ZNF354B: variants seen among roughly 807,000 people sequenced by gnomAD.
The protein encoded by ZNF354B is zinc finger protein 354B.
ZNF354B carries 10 observed loss-of-function variants against 12.9 expected under a neutral mutation model. The ratio of observed to expected loss-of-function variants is 0.77; its 90% CI spans 0.48 to 1.31. ZNF354B has a LOEUF of 1.31. Ranked by LOEUF, ZNF354B falls within the 40% of genes most tolerant of loss-of-function variation. The probability of loss-of-function intolerance (pLI) is 0.00; values close to 1 mark genes in which losing one functional copy is unlikely to be tolerated. For synonymous variants in ZNF354B, 260 were observed against 243.7 expected, an observed-to-expected ratio of 1.07 and a Z score of -0.62; for missense variants, 614 against 711.7, an observed-to-expected ratio of 0.86 and a Z score of 1.56.
intron 4 of ZNF354B, among the ~76,000 whole-genome samples, chr5:178,871,615 C>G (rs933458053): frequency 6.6e-6 from 1 of 152,146 alleles, no homozygotes; most frequent in Non-Finnish European, 1.5e-5. Flanking sequence ...AGTCCCTGGC[C>G]AGGGTAGGCG....
At position 178,882,711 on chromosome 5, in the gene ZNF354B, T is replaced by G; in HGVS notation, c.259T>G (p.Cys87Gly). 2 of 1,555,372 alleles carry G rather than the reference T, an allele frequency of 1.3e-6. No individual in the cohort carries two copies. The highest frequency in any genetic ancestry group is 1.2e-5 in the South Asian group (1 of 80,336). ...GCTTTCTTTTTTTCTTTTTTCAGGA[T>G]GTAAGAGCACACCTAAAATGACAAA... ...KDSSGVSSLGCKSTPKMTKST... is the reference protein window; with the variant it reads ...KDSSGVSSLGGKSTPKMTKST... The change falls in exon 5 of 5, where the codon TGT becomes GGT. Residue 87 changes from cysteine to glycine, a missense_variant and splice_region_variant. By Grantham distance (159) the Cys-to-Gly change is radical. Coordinates refer to ENST00000322434, the MANE Select transcript of ZNF354B (RefSeq NM_058230.3).
chr5:178,881,788 C>T (rs1332155675), intron 4 of ZNF354B, among the ~76,000 whole-genome samples: 2 of 152,066 alleles, frequency 1.3e-5, no homozygotes, highest in Non-Finnish European at 2.9e-5. Flanking sequence ...GGATTACAGG[C>T]GTGCGCCACA....
rs769624802 is a variant in ZNF354B at position 178,884,014 on chromosome 5, C to T, written c.1562C>T (p.Pro521Leu). 1 of 1,614,072 alleles carries T rather than the reference C, an allele frequency of 6.2e-7. No homozygotes were observed. Among genetic ancestry groups the T allele is most frequent in the Admixed American group, 1.7e-5 (1 of 60,010 alleles). The change falls in exon 5 of 5, where the codon CCA becomes CTA. Residue 521 changes from proline (P) to leucine (L), a missense_variant. Coordinates refer to ENST00000322434, the MANE Select transcript of ZNF354B (RefSeq NM_058230.3). ...NHQRIHTGEKPYRCLECGMSF... is the reference protein window; with the variant it reads ...NHQRIHTGEKLYRCLECGMSF... Reference sequence around the variant, plus strand: ...CAGAGAATTCATACTGGAGAGAAACCATATCGATGTTTAGAATGTGGGATG... The same window carrying T: ...CAGAGAATTCATACTGGAGAGAAACTATATCGATGTTTAGAATGTGGGATG...
chr5:178,875,996 C>T (rs1400049828), intron 4 of ZNF354B, among the ~76,000 whole-genome samples: 3 of 152,154 alleles, frequency 2.0e-5, no homozygotes, highest in African/African-American at 7.2e-5. Flanking sequence ...TATGGGAGCT[C>T]ACAAGGTAGA....
chr5:178,871,939 G>GA (rs1383923162), intron 4 of ZNF354B, among the ~76,000 whole-genome samples: 1 of 152,150 alleles, frequency 6.6e-6, no homozygotes, highest in African/African-American at 2.4e-5. Context: ...GATAATAGTA[G>GA]ATTTATATGC....
intron 4 of ZNF354B, among the ~76,000 whole-genome samples, chr5:178,873,409 G>A (rs116324299): frequency 6.6e-6 from 1 of 152,296 alleles, no homozygotes; most frequent in African/African-American, 2.4e-5. Flanking sequence ...TCTTCTAGAA[G>A]TGCTGTAGTT....
intron 2 of ZNF354B, among the ~76,000 whole-genome samples, chr5:178,863,340 A>G (rs1189282783): frequency 6.6e-6 from 1 of 152,184 alleles, no homozygotes; most frequent in Non-Finnish European, 1.5e-5. Flanking sequence ...GCATTGCATA[A>G]TGACATTTTG....
At chr5:178,864,216 C>T (rs1757410540) in intron 2 of ZNF354B, among the ~76,000 whole-genome samples, 1 of 152,194 alleles carries the variant, frequency 6.6e-6, no homozygotes, top group Non-Finnish European at 1.5e-5. Flanking sequence ...GAGCCCTATA[C>T]AGGTGTACCA....
chr5:178,883,427 C>T lies in ZNF354B; in HGVS notation c.975C>T (p.Pro325=). 2 of 1,614,030 alleles carry T rather than the reference C, an allele frequency of 1.2e-6. No individual in the cohort carries two copies. The highest frequency in any genetic ancestry group is 1.7e-5 in the Admixed American group (1 of 60,002). ...IHQKIHAQEN[P]HKYNPGRKAS... ...AAAAAATCCATGCTCAAGAAAATCCCCATAAATACAATCCAGGCAGGAAGG... is the reference window on the plus strand; with the variant it reads ...AAAAAATCCATGCTCAAGAAAATCCTCATAAATACAATCCAGGCAGGAAGG... Residue 325 remains proline, a synonymous_variant, in exon 5 of 5, where the codon CCC becomes CCT. Transcript: ENST00000322434.
intron 2 of ZNF354B, among the ~76,000 whole-genome samples, chr5:178,864,942 G>A (rs1463718655): frequency 6.6e-6 from 1 of 151,892 alleles, no homozygotes; most frequent in Admixed American, 6.6e-5. Context: ...TTTTTGAATG[G>A]GGACAAACTC....
At position 178,861,351 on chromosome 5, in the gene ZNF354B, G is replaced by C. The variant is rs1007055468; in HGVS notation, c.33+271G>C. 2.7e-5 allele frequency among the ~76,000 whole-genome samples: 4 copies of C among 150,822 alleles called. No individual in the cohort carries two copies. The Admixed American group carries it at 2.7e-4, about 10-fold the overall frequency. ...ATACCACAAGTCTGTCTGTCACTAAGAGCAAACGTACACACGTGGGAAAAA... is the reference window on the plus strand; with the variant it reads ...ATACCACAAGTCTGTCTGTCACTAACAGCAAACGTACACACGTGGGAAAAA... On this transcript the variant is annotated intron_variant, in intron 2 of 4. Coordinates refer to ENST00000322434, the MANE Select transcript of ZNF354B (RefSeq NM_058230.3).
intron 4 of ZNF354B, 33 bp downstream of exon 4, chr5:178,867,104 C>T (rs770133170): frequency 5.1e-6 from 8 of 1,577,676 alleles, no homozygotes; most frequent in Non-Finnish European, 7.0e-6. Context: ...TCGGGAATGG[C>T]CGCAGACAAT....
intron 4 of ZNF354B, among the ~76,000 whole-genome samples, chr5:178,869,198 G>A (rs1008766034): frequency 6.6e-5 from 10 of 152,194 alleles, no homozygotes; most frequent in Non-Finnish European, 1.5e-4. Flanking sequence ...ACAGTGCAGG[G>A]CTTGTCAAGT....
At chr5:178,881,136 G>T (rs1757710921) in intron 4 of ZNF354B, among the ~76,000 whole-genome samples, 1 of 152,114 alleles carries the variant, frequency 6.6e-6, no homozygotes, top group Non-Finnish European at 1.5e-5. Context: ...GAGCCAGCAC[G>T]CTTGGCCAAC....
rs1757757071 is a variant in ZNF354B, at chr5:178,883,760, A to G, written c.1308A>G (p.Lys436=). The stretch of plus-strand genomic sequence containing the variant: ...ACCGAATAATTCATACTGGAGAGAA[A>G]TTGTATAATTGTAATGAATGTGGTA... ...NRHRIIHTGE[K]LYNCNECGKA... is the part of the protein sequence containing the mutation. Residue 436 remains lysine, a synonymous_variant, in exon 5 of 5, where the codon AAA becomes AAG. Transcript: ENST00000322434. 2 of 1,614,100 alleles carry G rather than the reference A, an allele frequency of 1.2e-6. No individual in the cohort carries two copies. The highest frequency in any genetic ancestry group is 8.5e-7 in the Non-Finnish European group (1 of 1,179,946).
At chr5:178,870,318 C>T (rs1487225740) in intron 4 of ZNF354B, among the ~76,000 whole-genome samples, 1 of 152,166 alleles carries the variant, frequency 6.6e-6, no homozygotes, top group East Asian at 1.9e-4. Context: ...CTCTGTTGCC[C>T]AGGCTGGAGT....
At chr5:178,872,820 T>C (rs536140289) in intron 4 of ZNF354B, among the ~76,000 whole-genome samples, 1 of 152,322 alleles carries the variant, frequency 6.6e-6, no homozygotes, top group Admixed American at 6.5e-5. Flanking sequence ...AGAGTCTTGC[T>C]CTGTCACCCA....
chr5:178,884,522 T>C lies in ZNF354B; in HGVS notation c.*231T>C, dbSNP rs1757772750. On this transcript the variant is annotated 3_prime_UTR_variant, in exon 5 of 5. Transcript: ENST00000322434. Reference sequence around the variant, plus strand: ...TTGGCCATTTGTAAGATAAAAGGTATGTTTATAAAATCTCTTTATATAATA... The same window carrying C: ...TTGGCCATTTGTAAGATAAAAGGTACGTTTATAAAATCTCTTTATATAATA... 1 of 410,640 alleles carries C rather than the reference T, an allele frequency of 2.4e-6. No homozygotes were observed. The highest frequency in any genetic ancestry group is 4.0e-5 in the Admixed American group (1 of 24,932). The allele number at this position is 410,640 out of a possible 1,614,324, so 25.4% of individuals were successfully genotyped here.
chr5:178,879,780 G>A (rs1156369353), intron 4 of ZNF354B, among the ~76,000 whole-genome samples: 1 of 152,196 alleles, frequency 6.6e-6, no homozygotes, highest in Non-Finnish European at 1.5e-5. Flanking sequence ...GACAGAAAGT[G>A]GAAGAAAACT....
Sources: allele counts gnomAD v4.1 joint callset (sites outside exome capture counted in the v4.1 genomes callset), GRCh38; gene constraint gnomAD v4.1.1; transcripts MANE v1.5; gene names NCBI Gene and HGNC (gene_info 2026-07-23, HGNC 2026-07-21).